Variants in KCNMB1 observed in about 807,000 individuals in gnomAD.
KCNMB1 encodes calcium-activated potassium channel subunit beta-1.
A neutral mutation model predicts 21.7 loss-of-function variants in KCNMB1; 22 were observed. That is an observed-to-expected ratio of 1.01 (90% CI 0.72 to 1.45). KCNMB1 has a LOEUF of 1.45. Ranked by LOEUF, KCNMB1 falls within the 40% of genes most tolerant of loss-of-function variation. The pLI is 0.00. For synonymous variants in KCNMB1, 114 were observed against 107.6 expected (o/e 1.06, Z -0.37); for missense variants, 243 against 243.4 (o/e 1.00, Z 0.01).
At position 170,378,100 on chromosome 5, in the gene KCNMB1, A is replaced by G. The variant is rs1764080457; in HGVS notation, c.*604T>C. 1.3e-5 allele frequency: 2 copies of G among 152,220 alleles called. No individual in the cohort carries two copies. Among genetic ancestry groups the G allele is most frequent in the Non-Finnish European group, 2.9e-5 (2 of 68,038 alleles). The allele number at this position is 152,220 out of a possible 1,614,324, so 9.4% of individuals were successfully genotyped here. A position where few individuals can be genotyped will look rare whatever the true frequency, so the allele number is the denominator to read the frequency against. On this transcript the variant is annotated 3_prime_UTR_variant, in exon 4 of 4. Coordinates refer to ENST00000274629, the MANE Select transcript of KCNMB1 (RefSeq NM_004137.4). ...ATAAAAAGGGGATAAGGAAGAAAACAGAAATTAACCACCATCCCACCGCTA... is the reference window on the plus strand; with the variant it reads ...ATAAAAAGGGGATAAGGAAGAAAACGGAAATTAACCACCATCCCACCGCTA...
chr5:170,381,638 G>A (rs916714209), intron 3 of KCNMB1, among the ~76,000 whole-genome samples: 1 of 152,198 alleles, frequency 6.6e-6, no homozygotes, highest in African/African-American at 2.4e-5. Flanking sequence ...TCAAGCCTGG[G>A]CGGCAGGGGA....
chr5:170,385,290 G>A, intron 2 of KCNMB1, 24 bp downstream of exon 2: 1 of 1,613,598 alleles, frequency 6.2e-7, no homozygotes, highest in Non-Finnish European at 8.5e-7. Context: ...GTTGGGGGGT[G>A]GGCAGGCCGG....
chr5:170,376,243 C>G lies in KCNMB1; in HGVS notation c.*2461G>C, dbSNP rs1238312255. 2.1e-5 allele frequency: 3 copies of G among 145,438 alleles called. No homozygotes were observed. Among genetic ancestry groups the G allele is most frequent in the African/African-American group, 7.6e-5 (3 of 39,380 alleles). The allele number at this position is 145,438 out of a possible 1,614,324, so 9.0% of individuals were successfully genotyped here. ...TGGCGCGATCTCGGCTCACTGCAAG[C>G]TCCGCCTCCCGGGTTCACGCCATTC... On this transcript the variant is annotated 3_prime_UTR_variant, in exon 4 of 4. Coordinates refer to ENST00000274629, the MANE Select transcript of KCNMB1 (RefSeq NM_004137.4).
rs1168435947 is a variant in KCNMB1 at position 170,378,131 on chromosome 5, T to C, written c.*573A>G. On this transcript the variant is annotated 3_prime_UTR_variant, in exon 4 of 4. Transcript: ENST00000274629. Reference sequence around the variant, plus strand: ...TAACCACCATCCCACCGCTAAAATTTTGATGAGTTCTCATGTGTTTCCTTG... The same window carrying C: ...TAACCACCATCCCACCGCTAAAATTCTGATGAGTTCTCATGTGTTTCCTTG... 6.6e-6 allele frequency: 1 copy of C among 152,230 alleles called. No homozygotes were observed. The highest frequency in any genetic ancestry group is 1.5e-5 in the Non-Finnish European group (1 of 68,058). The allele number at this position is 152,230 out of a possible 1,614,324, so 9.4% of individuals were successfully genotyped here. A position where few individuals can be genotyped will look rare whatever the true frequency, so the allele number is the denominator to read the frequency against.
At chr5:170,379,079 G>C (rs140150557) in intron 3 of KCNMB1, 106 bp from the exon 4 acceptor site, 39 of 1,354,320 alleles carry the variant, frequency 2.9e-5, no homozygotes, top group Non-Finnish European at 3.9e-5. Context: ...CGGGCCCCTG[G>C]ATTGGAGTCG....
Position 170,378,699 on chromosome 5 carries a change from T to A in KCNMB1, c.*5A>T, listed in dbSNP as rs1412380773. ...TGACAAGTGGTATGGCATGGATGGA[T>A]GGCTCTACTTCTGGGCCGCCAGGAT... is the stretch of plus-strand genomic sequence containing the variant. On this transcript the variant is annotated 3_prime_UTR_variant, in exon 4 of 4. Transcript: ENST00000274629. The A allele has an allele frequency of 6.2e-7, 1 of 1,604,138 alleles. No individual in the cohort carries two copies. The highest frequency in any genetic ancestry group is 1.7e-5 in the Admixed American group (1 of 59,146).
At position 170,389,316 on chromosome 5, in the gene KCNMB1, C is replaced by T. The variant is rs1581141012; in HGVS notation, c.-82G>A. The T allele has an allele frequency of 2.6e-5, 4 of 152,056 alleles. No individual in the cohort carries two copies. Among genetic ancestry groups the T allele is most frequent in the African/African-American group, 9.7e-5 (4 of 41,364 alleles). The allele number at this position is 152,056 out of a possible 1,614,324, so 9.4% of individuals were successfully genotyped here. On this transcript the variant is annotated 5_prime_UTR_variant, in exon 1 of 4. Transcript: ENST00000274629. ...CAGACAGTTTCTTTCTGCCTGGACC[C>T]CCGCCCCCACCCCAAAAGAGGCCAC...
intron 3 of KCNMB1, among the ~76,000 whole-genome samples, chr5:170,379,908 C>T (rs1186564408): frequency 6.7e-6 from 1 of 150,272 alleles, no homozygotes; most frequent in East Asian, 1.9e-4. Flanking sequence ...GCTATGATCT[C>T]GCAACTACAC....
At position 170,378,482 on chromosome 5, in the gene KCNMB1, A is replaced by G; in HGVS notation, c.*222T>C. On this transcript the variant is annotated 3_prime_UTR_variant, in exon 4 of 4. Coordinates refer to ENST00000274629, the MANE Select transcript of KCNMB1 (RefSeq NM_004137.4). ...TAGAGAGCTAGAACTGGCTGGCCTT[A>G]TGGCCTCCAAGGCATTGGGGAGCCA... The G allele has an allele frequency of 1.8e-6, 1 of 567,052 alleles. No homozygotes were observed. The highest frequency in any genetic ancestry group is 3.1e-6 in the Non-Finnish European group (1 of 325,208). The allele number at this position is 567,052 out of a possible 1,614,324, so 35.1% of individuals were successfully genotyped here.
In KCNMB1 at chr5:170,383,812, G is replaced by A; in HGVS notation, c.173C>T (p.Thr58Ile). 6.2e-7 allele frequency: 1 copy of A among 1,614,084 alleles called. No homozygotes were observed. Among genetic ancestry groups the A allele is most frequent in the African/African-American group, 1.3e-5 (1 of 75,002 alleles). Residue 58 changes from threonine to isoleucine, a missense_variant, in exon 3 of 4, where the codon ACC becomes ATC. Coordinates refer to ENST00000274629, the MANE Select transcript of KCNMB1 (RefSeq NM_004137.4). ...TQESKCHLIE[T>I]NIRDQEELKG... ...CAGCTCCTCCTGGTCCCTGATGTTG[G>A]TCTCAATCAGGTGGCACTTGGATTC...
chr5:170,380,307 T>C (rs1047588268), intron 3 of KCNMB1, among the ~76,000 whole-genome samples: 2 of 152,238 alleles, frequency 1.3e-5, no homozygotes, highest in Admixed American at 1.3e-4. Context: ...CCCAGGTCCC[T>C]ACCCACTCTG....
At chr5:170,381,112 AGT>A (rs1410228835) in intron 3 of KCNMB1, among the ~76,000 whole-genome samples, 1 of 152,190 alleles carries the variant, frequency 6.6e-6, no homozygotes, top group African/African-American at 2.4e-5. Flanking sequence ...TCCTGGGCCT[AGT>A]GTATCCTCTG....
At chr5:170,385,292 G>A (rs187251560) in intron 2 of KCNMB1, 22 bp downstream of exon 2, 1 of 1,613,598 alleles carries the variant, frequency 6.2e-7, no homozygotes, top group East Asian at 2.2e-5. Context: ...TGGGGGGTGG[G>A]CAGGCCGGGA....
intron 3 of KCNMB1, among the ~76,000 whole-genome samples, chr5:170,380,305 C>A (rs749368251): frequency 6.6e-6 from 1 of 152,196 alleles, no homozygotes; most frequent in Non-Finnish European, 1.5e-5. Context: ...AGCCCAGGTC[C>A]CTACCCACTC....
chr5:170,384,048 G>A (rs754881310), intron 2 of KCNMB1, among the ~76,000 whole-genome samples, 198 bp from the exon 3 acceptor site: 2 of 152,170 alleles, frequency 1.3e-5, no homozygotes, highest in African/African-American at 2.4e-5. Flanking sequence ...AAGCTGGATG[G>A]GGTCTTAGAC....
rs1474570822 is a variant in KCNMB1, at chr5:170,375,887, A to T, written c.*2817T>A. 3.3e-5 allele frequency: 5 copies of T among 152,262 alleles called. No individual in the cohort carries two copies. The allele number at this position is 152,262 out of a possible 1,614,324, so 9.4% of individuals were successfully genotyped here. ...TGCAAACGAGGAAACAGGCACAGAA[A>T]GGTTATTCGTCCAAAGTCACCCAGC... On this transcript the variant is annotated 3_prime_UTR_variant, in exon 4 of 4. Coordinates refer to ENST00000274629, the MANE Select transcript of KCNMB1 (RefSeq NM_004137.4).
At chr5:170,383,957 C>G (rs74820595) in intron 2 of KCNMB1, 107 bp from the exon 3 acceptor site, 1 of 1,161,216 alleles carries the variant, frequency 8.6e-7, no homozygotes, top group Non-Finnish European at 1.2e-6. Context: ...GGATCCAGGA[C>G]TGGGATCCTC....
chr5:170,378,362 G>A lies in KCNMB1; in HGVS notation c.*342C>T. 1 of 225,316 alleles carries A rather than the reference G, an allele frequency of 4.4e-6. No homozygotes were observed. Among genetic ancestry groups the A allele is most frequent in the Non-Finnish European group, 8.6e-6 (1 of 115,746 alleles). The allele number at this position is 225,316 out of a possible 1,614,324, so 14.0% of individuals were successfully genotyped here. ...GGGTACCGCTTTGAGACAACAGGGA[G>A]AACTCAGGCACAGAGGTGACGATCA... On this transcript the variant is annotated 3_prime_UTR_variant, in exon 4 of 4. Coordinates refer to ENST00000274629, the MANE Select transcript of KCNMB1 (RefSeq NM_004137.4).
At chr5:170,383,344 T>C (rs703506) in intron 3 of KCNMB1, 231,919 of 576,166 alleles carry the variant, frequency 0.4, 47,787 homozygotes, top group South Asian at 0.48. Flanking sequence ...CACTATCCAC[T>C]CAGCATCAAG....
Sources: allele counts gnomAD v4.1 joint callset (sites outside exome capture counted in the v4.1 genomes callset), GRCh38; gene constraint gnomAD v4.1.1; transcripts MANE v1.5; gene names NCBI Gene and HGNC (gene_info 2026-07-23, HGNC 2026-07-21).